ACOT11: variants seen among roughly 807,000 people sequenced by gnomAD.
ACOT11 encodes acyl-coenzyme A thioesterase 11.
A neutral mutation model predicts 77.5 loss-of-function variants in ACOT11; 69 were observed. That is an observed-to-expected ratio of 0.89 (90% confidence interval 0.73 to 1.09). ACOT11 has a LOEUF of 1.09. ACOT11 is among the 50% of genes least tolerant of loss of function. The probability of loss-of-function intolerance (pLI) is 0.00; values close to 1 mark genes in which losing one functional copy is unlikely to be tolerated. For synonymous variants in ACOT11, 279 were observed against 313.0 expected, an observed-to-expected ratio of 0.89 and a Z score of 1.15; for missense variants, 766 against 813.7, an observed-to-expected ratio of 0.94 and a Z score of 0.71.
intron 2 of ACOT11, among the ~76,000 whole-genome samples, chr1:54,585,565 C>T (rs1402571245): frequency 1.3e-5 from 2 of 152,170 alleles, no homozygotes; most frequent in Admixed American, 6.5e-5. Context: ...TGGGGTACAG[C>T]AATGAACAAG....
At chr1:54,587,653 C>T (rs1654554166) in intron 3 of ACOT11, among the ~76,000 whole-genome samples, 1 of 143,412 alleles carries the variant, frequency 7.0e-6, no homozygotes. Context: ...CCTCCACCTC[C>T]TGGGTTCAAG....
intron 15 of ACOT11, among the ~76,000 whole-genome samples, chr1:54,616,655 G>A (rs1644176979): frequency 6.6e-6 from 1 of 152,178 alleles, no homozygotes; most frequent in South Asian, 2.1e-4. Flanking sequence ...TTACAGGCGT[G>A]AGCCACCGTG....
chr1:54,586,119 T>A (rs982921418), intron 3 of ACOT11, among the ~76,000 whole-genome samples: 1 of 1,360 alleles, frequency 7.4e-4, no homozygotes, highest in Non-Finnish European at 1.3e-3. Context: ...AGTGGGTGGG[T>A]GGGTGGGTGT....
chr1:54,614,911 C>G (rs1026495724), downstream of ACOT11: 1 of 1,581,944 alleles, frequency 6.3e-7, no homozygotes, highest in East Asian at 2.2e-5. Context: ...ACTAGGAATA[C>G]ATGACTCCCT....
At chr1:54,576,213 C>T (rs1654108718) in intron 1 of ACOT11, among the ~76,000 whole-genome samples, 1 of 152,166 alleles carries the variant, frequency 6.6e-6, no homozygotes, top group African/African-American at 2.4e-5. Flanking sequence ...TTTAGACTGA[C>T]AGGTGTTGGT....
At chr1:54,567,281 C>CT (rs1653766720) in intron 1 of ACOT11, among the ~76,000 whole-genome samples, 1 of 124,528 alleles carries the variant, frequency 8.0e-6, no homozygotes, top group East Asian at 2.2e-4. Context: ...TGACTTTTTT[C>CT]CTTTTTTTTT....
intron 1 of ACOT11, among the ~76,000 whole-genome samples, chr1:54,565,929 C>G (rs1417964361): frequency 6.6e-6 from 1 of 152,190 alleles, no homozygotes; most frequent in African/African-American, 2.4e-5. Flanking sequence ...ACCTCTCATT[C>G]TTTCCCTAAT....
chr1:54,634,596 T>C (rs1644320407), intron 16 of ACOT11: 2 of 684,690 alleles, frequency 2.9e-6, no homozygotes, highest in South Asian at 3.1e-5. Flanking sequence ...CAATTGAATC[T>C]AGCATTATTT....
chr1:54,572,992 A>G, intron 1 of ACOT11: 1 of 985,458 alleles, frequency 1.0e-6, no homozygotes, highest in Non-Finnish European at 1.2e-6. Flanking sequence ...ACAGTGGCCC[A>G]GTGGGACAGT....
chr1:54,564,006 C>T (rs1653645830), intron 1 of ACOT11, among the ~76,000 whole-genome samples: 1 of 150,644 alleles, frequency 6.6e-6, no homozygotes, highest in Admixed American at 6.6e-5. Flanking sequence ...GCGGAGGTTG[C>T]AGTGAGCCGA....
chr1:54,605,721 G>T (rs1041244967), intron 13 of ACOT11, among the ~76,000 whole-genome samples: 7 of 152,142 alleles, frequency 4.6e-5, no homozygotes, highest in African/African-American at 1.7e-4. Context: ...TGAATATAAT[G>T]AATGATTATG....
intron 15 of ACOT11, among the ~76,000 whole-genome samples, chr1:54,624,113 C>T (rs1305669312): frequency 5.9e-5 from 9 of 152,124 alleles, no homozygotes. Context: ...AGAGGGAGTT[C>T]TGGGGGCCCT....
At chr1:54,560,971 C>G (rs533412244) in intron 1 of ACOT11, among the ~76,000 whole-genome samples, 6 of 152,132 alleles carry the variant, frequency 3.9e-5, no homozygotes, top group Admixed American at 1.3e-4. Flanking sequence ...AATCTGCCCA[C>G]CTCGGCCTCC....
intron 15 of ACOT11, among the ~76,000 whole-genome samples, 175 bp downstream of exon 15, chr1:54,608,243 T>TC (rs1223779754): frequency 1.3e-5 from 2 of 152,090 alleles, no homozygotes; most frequent in Non-Finnish European, 2.9e-5. Flanking sequence ...CTAATCTGTG[T>TC]ACAGGTAAGT....
At chr1:54,592,663 C>G in intron 4 of ACOT11, 57 bp downstream of exon 4, 1 of 1,567,162 alleles carries the variant, frequency 6.4e-7, no homozygotes, top group Non-Finnish European at 8.7e-7. Context: ...TCTACCTCCT[C>G]TCTCCATTCT....
intron 1 of ACOT11, among the ~76,000 whole-genome samples, chr1:54,577,137 T>G (rs1654143669): frequency 6.6e-6 from 1 of 152,210 alleles, no homozygotes; most frequent in African/African-American, 2.4e-5. Context: ...AAAAATTAAT[T>G]ATTGAAGTAA....
chr1:54,549,361 A>C (rs1470256817), intron 1 of ACOT11, among the ~76,000 whole-genome samples: 1 of 150,890 alleles, frequency 6.6e-6, no homozygotes. Context: ...CACCATCCCC[A>C]CCCCTCTGCT....
rs555930499 is a variant in ACOT11, at chr1:54,625,491, G to A, written c.1630-5243G>A. Among the ~76,000 whole-genome samples the A allele has an allele frequency of 2.6e-5, 4 of 152,296 alleles. No homozygotes were observed. In the South Asian group the frequency reaches 8.3e-4, roughly 32 times the overall value. ...CTCACCCAGATCCCTTCTGTAATAA[G>A]GCATGGAAGGGTGTGTTAACTGGGA... On this transcript the variant is annotated intron_variant, in intron 15 of 16. Coordinates refer to the ACOT11 transcript ENST00000371316.
downstream of ACOT11, chr1:54,611,881 CCT>C: frequency 2.0e-6 from 2 of 984,218 alleles, no homozygotes; most frequent in African/African-American, 1.6e-5. Flanking sequence ...GCCACTTCTC[CCT>C]GAGTCCTACC....
Sources: allele counts gnomAD v4.1 joint callset (sites outside exome capture counted in the v4.1 genomes callset), GRCh38; gene constraint gnomAD v4.1.1; transcripts MANE v1.5; gene names NCBI Gene and HGNC (gene_info 2026-07-23, HGNC 2026-07-21).